The following KCNIP1 variants were observed in gnomAD, a reference collection of about 807,000 sequenced individuals.
The protein encoded by KCNIP1 is potassium voltage-gated channel interacting protein 1.
KCNIP1 carries 18 observed loss-of-function variants against 33.0 expected under a neutral mutation model. The observed-to-expected ratio is 0.55, with a 90% CI of 0.38 to 0.81. The LOEUF is 0.81. KCNIP1 is among the 30% of genes least tolerant of loss of function. The probability of loss-of-function intolerance (pLI) is 0.00; values close to 1 mark genes in which losing one functional copy is unlikely to be tolerated. For synonymous variants in KCNIP1, 93 were observed against 98.3 expected, an observed-to-expected ratio of 0.95 and a Z score of 0.32; for missense variants, 238 against 271.6, an observed-to-expected ratio of 0.88 and a Z score of 0.87.
intron 1 of KCNIP1, among the ~76,000 whole-genome samples, chr5:170,467,641 G>C (rs1331193358): frequency 2.0e-5 from 3 of 152,250 alleles, no homozygotes; most frequent in African/African-American, 7.2e-5. Flanking sequence ...GTATAGGCTG[G>C]GCGCGGTGGC....
At chr5:170,706,793 T>C (rs1763268595) in intron 1 of KCNIP1, among the ~76,000 whole-genome samples, 1 of 152,196 alleles carries the variant, frequency 6.6e-6, no homozygotes, top group Non-Finnish European at 1.5e-5. Flanking sequence ...CCCTGGACAC[T>C]CCTCATTTGC....
chr5:170,509,868 C>T (rs763785477), intron 1 of KCNIP1, among the ~76,000 whole-genome samples: 9 of 152,210 alleles, frequency 5.9e-5, no homozygotes, highest in Non-Finnish European at 1.5e-5. Context: ...TAAGTTTTCA[C>T]TCTTTTGCTG....
intron 1 of KCNIP1, among the ~76,000 whole-genome samples, chr5:170,496,801 C>T (rs1175237285): frequency 6.6e-6 from 1 of 152,150 alleles, no homozygotes; most frequent in Non-Finnish European, 1.5e-5. Context: ...CCCGGAAATG[C>T]GGTTGCCCAG....
rs1044274361 is a variant in KCNIP1 at position 170,362,902 on chromosome 5, C to T, written c.88+8938C>T. On this transcript the variant is annotated intron_variant, in intron 1 of 7. Transcript: ENST00000377360. Reference sequence around the variant, plus strand: ...ACTCAGCTTGGAGCCGGCTATCACCCGGAGCCTGGGATGTCTCTAAGCCAT... The same window carrying T: ...ACTCAGCTTGGAGCCGGCTATCACCTGGAGCCTGGGATGTCTCTAAGCCAT... Among the ~76,000 whole-genome samples, 5 of 152,206 alleles carry T rather than the reference C, an allele frequency of 3.3e-5. No homozygotes were observed. The South Asian group carries it at 8.3e-4, about 25-fold the overall frequency.
intron 1 of KCNIP1, among the ~76,000 whole-genome samples, chr5:170,558,828 A>AC (rs1314154988): frequency 6.6e-6 from 1 of 152,182 alleles, no homozygotes; most frequent in African/African-American, 2.4e-5. Flanking sequence ...GTGCTTATAA[A>AC]CCCCAGAGTT....
chr5:170,431,267 T>C (rs923421171), intron 1 of KCNIP1, among the ~76,000 whole-genome samples: 2 of 152,192 alleles, frequency 1.3e-5, no homozygotes, highest in Non-Finnish European at 2.9e-5. Context: ...TACTCAACAA[T>C]TGTGTGGAGT....
chr5:170,716,795 G>C (rs370674536), intron 1 of KCNIP1, among the ~76,000 whole-genome samples: 1 of 152,156 alleles, frequency 6.6e-6, no homozygotes. Context: ...GAAATTTCCC[G>C]AGCTTGTGAG....
At chr5:170,492,566 G>A (rs900869766) in intron 1 of KCNIP1, among the ~76,000 whole-genome samples, 2 of 152,126 alleles carry the variant, frequency 1.3e-5, no homozygotes, top group African/African-American at 4.8e-5. Flanking sequence ...TGGGGATGGG[G>A]CTGAAAGTCT....
At chr5:170,599,588 A>G (rs1208321184) in intron 1 of KCNIP1, among the ~76,000 whole-genome samples, 1 of 152,090 alleles carries the variant, frequency 6.6e-6, no homozygotes, top group Non-Finnish European at 1.5e-5. Flanking sequence ...CCGAGATTCC[A>G]TGATGCTCAG....
At chr5:170,490,185 C>T (rs761906296) in intron 1 of KCNIP1, among the ~76,000 whole-genome samples, 4 of 152,220 alleles carry the variant, frequency 2.6e-5, no homozygotes, top group Non-Finnish European at 4.4e-5. Flanking sequence ...TCATGCTCCT[C>T]CCCTGCAAAG....
At chr5:170,408,088 A>G (rs777448911) in intron 1 of KCNIP1, among the ~76,000 whole-genome samples, 4 of 152,240 alleles carry the variant, frequency 2.6e-5, no homozygotes, top group Non-Finnish European at 5.9e-5. Flanking sequence ...TGGACCATTT[A>G]GAGTAGCTCA....
chr5:170,455,497 C>G (rs1473925025), intron 1 of KCNIP1, among the ~76,000 whole-genome samples: 1 of 152,168 alleles, frequency 6.6e-6, no homozygotes, highest in African/African-American at 2.4e-5. Flanking sequence ...AAGCCACATG[C>G]CTGGCCCACA....
intron 1 of KCNIP1, among the ~76,000 whole-genome samples, chr5:170,461,227 A>G (rs1021571296): frequency 1.3e-5 from 2 of 152,172 alleles, no homozygotes; most frequent in Non-Finnish European, 2.9e-5. Context: ...TGAAAATGAC[A>G]ATACTACCAA....
At chr5:170,709,029 T>C (rs887516401) in intron 1 of KCNIP1, among the ~76,000 whole-genome samples, 7 of 152,264 alleles carry the variant, frequency 4.6e-5, no homozygotes, top group Non-Finnish European at 5.9e-5. Flanking sequence ...TAACTTCAAT[T>C]CTTTAAAGTT....
At chr5:170,665,939 C>A (rs995446850) in intron 1 of KCNIP1, among the ~76,000 whole-genome samples, 1 of 152,132 alleles carries the variant, frequency 6.6e-6, no homozygotes, top group East Asian at 1.9e-4. Context: ...GTTATCAACA[C>A]GACCTATCAC....
intron 1 of KCNIP1, among the ~76,000 whole-genome samples, chr5:170,561,279 C>T (rs1332936318): frequency 6.6e-6 from 1 of 152,212 alleles, no homozygotes. Flanking sequence ...GCCCTCCTCC[C>T]TGCCTTGCCA....
intron 1 of KCNIP1, among the ~76,000 whole-genome samples, chr5:170,498,371 C>T (rs934383636): frequency 1.3e-5 from 2 of 152,112 alleles, no homozygotes; most frequent in African/African-American, 4.8e-5. Flanking sequence ...AAAACAAATC[C>T]GGGACTTTAA....
intron 1 of KCNIP1, among the ~76,000 whole-genome samples, chr5:170,507,934 T>C (rs1456940371): frequency 2.0e-5 from 3 of 152,192 alleles, no homozygotes; most frequent in Non-Finnish European, 4.4e-5. Context: ...CAGTCCCAGA[T>C]AGAATTTCTG....
At chr5:170,499,665 G>C (rs1757374946), upstream of KCNIP1, among the ~76,000 whole-genome samples, 1 of 152,128 alleles carries the variant, frequency 6.6e-6, no homozygotes, top group Non-Finnish European at 1.5e-5. Flanking sequence ...CATGGCTAAG[G>C]GAGCACTGAG....
Sources: gnomAD v4.1 joint callset for allele counts (sites outside exome capture counted in the v4.1 genomes callset) on GRCh38, gnomAD v4.1.1 for gene constraint, MANE v1.5 for transcripts, NCBI Gene and HGNC (gene_info 2026-07-23, HGNC 2026-07-21) for gene names.